Variants in CFAP95 observed in about 807,000 individuals in gnomAD.
CFAP95 encodes cilia and flagella associated protein 95.
At chr9:69,823,369 G>T in the CFAP95 span, among the ~76,000 whole-genome samples, 1 of 152,080 alleles carries the variant, frequency 6.6e-6, no homozygotes, top group South Asian at 2.1e-4. Flanking sequence ...ATTTGGGTGG[G>T]GACACAGAGT....
chr9:69,861,033 TA>T, the CFAP95 span, among the ~76,000 whole-genome samples: 2 of 152,200 alleles, frequency 1.3e-5, no homozygotes, highest in African/African-American at 4.8e-5. Context: ...AGTAAGTGCA[TA>T]AACCAGTAAC....
chr9:69,904,144 A>G, the CFAP95 span, among the ~76,000 whole-genome samples: 1 of 152,172 alleles, frequency 6.6e-6, no homozygotes, highest in African/African-American at 2.4e-5. Flanking sequence ...AATCACCACC[A>G]CAATCAATTT....
the CFAP95 span, among the ~76,000 whole-genome samples, chr9:69,861,016 G>A: frequency 0.023 from 3,462 of 152,168 alleles, 54 homozygotes; most frequent in African/African-American, 0.041. Context: ...GATAAAAAGC[G>A]TAGTACAGTA....
chr9:69,845,781 G>C, the CFAP95 span, among the ~76,000 whole-genome samples: 1 of 152,182 alleles, frequency 6.6e-6, no homozygotes, highest in South Asian at 2.1e-4. Flanking sequence ...TGCACACACA[G>C]AGTCTCTTTG....
chr9:69,867,986 A>G, the CFAP95 span, among the ~76,000 whole-genome samples: 1 of 152,212 alleles, frequency 6.6e-6, no homozygotes, highest in African/African-American at 2.4e-5. Flanking sequence ...ATTTTAAGTT[A>G]CTTTCAAGCC....
At chr9:69,839,789 T>G in the CFAP95 span, among the ~76,000 whole-genome samples, 1 of 151,786 alleles carries the variant, frequency 6.6e-6, no homozygotes, top group East Asian at 2.0e-4. Flanking sequence ...GAAGTATCAT[T>G]TTTTGGCCAG....
At chr9:69,844,765 C>CTGAA in the CFAP95 span, 1 of 568,414 alleles carries the variant, frequency 1.8e-6, no homozygotes, top group African/African-American at 1.9e-5. Context: ...TCACTGTGTG[C>CTGAA]TGAAGCAACA....
At chr9:69,843,622 T>TTCTTCG in the CFAP95 span, among the ~76,000 whole-genome samples, 1 of 69,178 alleles carries the variant, frequency 1.4e-5, no homozygotes, top group Non-Finnish European at 2.6e-5. Flanking sequence ...CTTCTTCTTC[T>TTCTTCG]TCTTCTTCCT....
the CFAP95 span, among the ~76,000 whole-genome samples, chr9:69,901,974 G>A: frequency 7.2e-5 from 11 of 152,122 alleles, no homozygotes; most frequent in African/African-American, 2.4e-4. Flanking sequence ...TTTTATGGCT[G>A]CATAAATGTC....
chr9:69,868,670 A>AG, the CFAP95 span, among the ~76,000 whole-genome samples: 1 of 151,616 alleles, frequency 6.6e-6, no homozygotes, highest in African/African-American at 2.4e-5. Context: ...TCCAAAAAAA[A>AG]AAAAAAACCA....
At chr9:69,857,765 C>T in the CFAP95 span, 1 of 619,772 alleles carries the variant, frequency 1.6e-6, no homozygotes. Flanking sequence ...TGAGCGCAGG[C>T]AATCCTCCCG....
chr9:69,846,792 A>G, the CFAP95 span, among the ~76,000 whole-genome samples: 2 of 152,214 alleles, frequency 1.3e-5, no homozygotes, highest in African/African-American at 2.4e-5. Context: ...GACACTCTTG[A>G]TAGTTGGCAG....
At chr9:69,828,931 G>A in the CFAP95 span, among the ~76,000 whole-genome samples, 2 of 152,124 alleles carry the variant, frequency 1.3e-5, no homozygotes, top group Admixed American at 6.5e-5. Flanking sequence ...CTGGATGCAA[G>A]CATTCTCTAA....
At chr9:69,824,233 C>A in the CFAP95 span, among the ~76,000 whole-genome samples, 1 of 152,262 alleles carries the variant, frequency 6.6e-6, no homozygotes, top group East Asian at 1.9e-4. Flanking sequence ...AAAGAACAGG[C>A]AAGTGCAGTG....
At chr9:69,900,959 G>T in the CFAP95 span, among the ~76,000 whole-genome samples, 1 of 152,042 alleles carries the variant, frequency 6.6e-6, no homozygotes, top group Non-Finnish European at 1.5e-5. Context: ...TTGGTGTGCT[G>T]CACCTATTAA....
the CFAP95 span, among the ~76,000 whole-genome samples, chr9:69,903,121 A>G: frequency 6.6e-6 from 1 of 152,296 alleles, no homozygotes; most frequent in East Asian, 1.9e-4. Flanking sequence ...TGTGTTTCTT[A>G]CTGACTGTCA....
the CFAP95 span, among the ~76,000 whole-genome samples, chr9:69,838,536 C>T: frequency 6.6e-6 from 1 of 151,430 alleles, no homozygotes; most frequent in Non-Finnish European, 1.5e-5. Flanking sequence ...CTCTGTTTGT[C>T]TGTTGTTGGT....
the CFAP95 span, among the ~76,000 whole-genome samples, chr9:69,839,518 C>G: frequency 2.0e-5 from 3 of 152,158 alleles, no homozygotes; most frequent in African/African-American, 7.2e-5. Flanking sequence ...CCTCTGCTTC[C>G]CGGGTTCAAG....
At chr9:69,841,164 T>TTTTATTTATATATATATATA in the CFAP95 span, among the ~76,000 whole-genome samples, 1 of 56,080 alleles carries the variant, frequency 1.8e-5, no homozygotes. Flanking sequence ...CCAAGCTGGA[T>TTTTATTTATATATATATATA]TATATATATA....
Sources: gnomAD v4.1 joint callset for allele counts (sites outside exome capture counted in the v4.1 genomes callset) on GRCh38, gnomAD v4.1.1 for gene constraint, MANE v1.5 for transcripts, NCBI Gene and HGNC (gene_info 2026-07-23, HGNC 2026-07-21) for gene names.